The following GATA4 variants were observed in gnomAD, a reference collection of about 807,000 sequenced individuals.
GATA4 encodes transcription factor GATA-4.
GATA4 carries 7 observed loss-of-function variants against 37.9 expected under a neutral mutation model. That is an observed-to-expected ratio of 0.18 (90% CI 0.11 to 0.35). The LOEUF (loss-of-function observed/expected upper bound fraction) is 0.35. Ranked by LOEUF, GATA4 falls within the 10% of genes least tolerant of loss-of-function variation. The pLI is 1.00. For synonymous variants in GATA4, 372 were observed against 292.6 expected, an observed-to-expected ratio of 1.27 and a Z score of -2.77; for missense variants, 647 against 653.0, an observed-to-expected ratio of 0.99 and a Z score of 0.10.
upstream of GATA4, among the ~76,000 whole-genome samples, chr8:11,703,226 G>C (rs1053404369): frequency 6.6e-6 from 1 of 152,138 alleles, no homozygotes; most frequent in Non-Finnish European, 1.5e-5. Context: ...CCCGCCGGCT[G>C]TTATCTGGGG....
chr8:11,703,960 G>C (rs1799777598), upstream of GATA4, among the ~76,000 whole-genome samples: 2 of 152,256 alleles, frequency 1.3e-5, no homozygotes, highest in Non-Finnish European at 2.9e-5. Context: ...GAACCCAATC[G>C]ACCTCCGGCT....
chr8:11,725,386 C>T lies in GATA4; in HGVS notation c.616+16458C>T, dbSNP rs528068341. ...CCCCCAGTCCTGTTGAAGCCCCGTG[C>T]ATCACGCAAGGGCTGGGGAATCTGA... On this transcript the variant is annotated intron_variant, in intron 2 of 6. Transcript: ENST00000532059. Among the ~76,000 whole-genome samples, 35 of 152,368 alleles carry T rather than the reference C, an allele frequency of 2.3e-4. 1 individual carries two copies. The highest frequency in any genetic ancestry group is 3.4e-3 in the Middle Eastern group (1 of 294).
Position 11,755,983 on chromosome 8 carries a change from TTAAC to T in GATA4, c.1000+853_1000+856del, listed in dbSNP as rs1156276812. ...TTTAAATTTATTTTTAATAAATATA[TTAAC>T]TATTTATTAAATTTAAATTAGATTT... On this transcript the variant is annotated intron_variant, in intron 5 of 6. Coordinates refer to ENST00000532059, the MANE Select transcript of GATA4 (RefSeq NM_001308093.3). Among the ~76,000 whole-genome samples the T allele has an allele frequency of 4.7e-5, 7 of 150,438 alleles. No individual in the cohort carries two copies. In the East Asian group the frequency reaches 9.7e-4, roughly 21 times the overall value.
At chr8:11,697,898 G>C (rs1207197892) in intron 1 of GATA4, 1 of 985,380 alleles carries the variant, frequency 1.0e-6, no homozygotes, top group African/African-American at 1.7e-5. Context: ...GGGAATGCCA[G>C]ATCTCTGGGG....
intron 2 of GATA4, among the ~76,000 whole-genome samples, chr8:11,742,154 A>C (rs924806728): frequency 6.6e-6 from 1 of 152,142 alleles, no homozygotes; most frequent in Non-Finnish European, 1.5e-5. Flanking sequence ...TTAGACCTCC[A>C]GGGAGGAGCC....
intron 4 of GATA4, among the ~76,000 whole-genome samples, chr8:11,754,116 C>G (rs1267825079): frequency 6.6e-6 from 1 of 152,244 alleles, no homozygotes; most frequent in African/African-American, 2.4e-5. Flanking sequence ...AGACCCAATG[C>G]AGTACAGAGC....
chr8:11,751,754 G>T (rs908662509), intron 4 of GATA4, among the ~76,000 whole-genome samples: 1 of 152,182 alleles, frequency 6.6e-6, no homozygotes, highest in African/African-American at 2.4e-5. Context: ...ACCTGAAAAT[G>T]ACCATGAAAG....
At chr8:11,752,470 A>G (rs1395313629) in intron 4 of GATA4, among the ~76,000 whole-genome samples, 2 of 152,166 alleles carry the variant, frequency 1.3e-5, no homozygotes, top group East Asian at 1.9e-4. Flanking sequence ...TTATAAAACC[A>G]TCAGCTCTCA....
At chr8:11,686,779 C>G (rs371176398) in intron 1 of GATA4, among the ~76,000 whole-genome samples, 3 of 152,272 alleles carry the variant, frequency 2.0e-5, no homozygotes, top group South Asian at 2.1e-4. Context: ...GCGGTCAGAT[C>G]ACGAGGTCAG....
At chr8:11,739,081 A>C (rs980682809) in intron 2 of GATA4, among the ~76,000 whole-genome samples, 2 of 152,242 alleles carry the variant, frequency 1.3e-5, no homozygotes, top group Non-Finnish European at 2.9e-5. Context: ...AGGTGGAAAA[A>C]GTACTTTGTA....
At chr8:11,715,974 G>C (rs1030497560) in intron 2 of GATA4, among the ~76,000 whole-genome samples, 1 of 152,056 alleles carries the variant, frequency 6.6e-6, no homozygotes, top group Admixed American at 6.6e-5. Flanking sequence ...AGTGTTTGTC[G>C]TTTTGTTTCT....
intron 2 of GATA4, among the ~76,000 whole-genome samples, chr8:11,714,360 G>A (rs1476117999): frequency 6.6e-6 from 1 of 152,134 alleles, no homozygotes; most frequent in Non-Finnish European, 1.5e-5. Context: ...TGTTCTCAGA[G>A]TTTTTTTATG....
intron 1 of GATA4, chr8:11,682,945 T>G: frequency 2.2e-6 from 1 of 459,824 alleles, no homozygotes; most frequent in Non-Finnish European, 2.9e-6. Flanking sequence ...GGGACCTGCT[T>G]TGTTAAATGC....
intron 2 of GATA4, among the ~76,000 whole-genome samples, chr8:11,717,032 C>T (rs1800462318): frequency 6.6e-6 from 1 of 152,216 alleles, no homozygotes; most frequent in African/African-American, 2.4e-5. Flanking sequence ...TTTGTCCTAG[C>T]CTGCCTGCAG....
intron 2 of GATA4, among the ~76,000 whole-genome samples, chr8:11,748,525 T>C (rs1802138295): frequency 6.6e-6 from 1 of 152,234 alleles, no homozygotes; most frequent in African/African-American, 2.4e-5. Context: ...ATTATATCTT[T>C]ATGCAAAAGG....
chr8:11,755,864 G>C (rs371296064), intron 5 of GATA4, among the ~76,000 whole-genome samples: 1 of 149,892 alleles, frequency 6.7e-6, no homozygotes, highest in Admixed American at 6.6e-5. Context: ...ACCTATGATC[G>C]TGCCACTGCA....
upstream of GATA4, among the ~76,000 whole-genome samples, chr8:11,701,590 C>T (rs180902849): frequency 1.3e-3 from 196 of 152,138 alleles, 1 homozygote; most frequent in Middle Eastern, 3.4e-3. Flanking sequence ...AGGGAGGGGG[C>T]GAGCGGAGAG....
chr8:11,687,734 A>C (rs537596764), upstream of GATA4, among the ~76,000 whole-genome samples: 122 of 152,324 alleles, frequency 8.0e-4, 1 homozygote, highest in Admixed American at 1.6e-3. Flanking sequence ...GAGAAAAGCC[A>C]AGAATACAGG....
At chr8:11,712,623 A>G (rs1171572984) in intron 2 of GATA4, among the ~76,000 whole-genome samples, 1 of 149,322 alleles carries the variant, frequency 6.7e-6, no homozygotes. Flanking sequence ...TGGGAGGCTG[A>G]GGTGGGAGGA....
Sources: gnomAD v4.1 joint callset for allele counts (sites outside exome capture counted in the v4.1 genomes callset) on GRCh38, gnomAD v4.1.1 for gene constraint, MANE v1.5 for transcripts, NCBI Gene and HGNC (gene_info 2026-07-23, HGNC 2026-07-21) for gene names.